Variants in KHDRBS1 observed in about 807,000 individuals in gnomAD.
KHDRBS1 encodes KH RNA binding domain containing, signal transduction associated 1.
A neutral mutation model predicts 48.4 loss-of-function variants in KHDRBS1; 7 were observed. The observed-to-expected ratio is 0.14, with a 90% CI of 0.08 to 0.27. The LOEUF (loss-of-function observed/expected upper bound fraction) is 0.27, where lower values mean the gene tolerates loss of function less well. KHDRBS1 is among the 10% of genes least tolerant of loss of function. The probability of loss-of-function intolerance (pLI) is 1.00; values close to 1 mark genes in which losing one functional copy is unlikely to be tolerated. For missense variants in KHDRBS1, 458 were observed against 601.2 expected, an observed-to-expected ratio of 0.76 and a Z score of 2.49; for synonymous variants, 241 against 235.8, an observed-to-expected ratio of 1.02 and a Z score of -0.20.
chr1:32,030,216 G>A (rs1639055506), intron 1 of KHDRBS1, 82 bp from the exon 2 acceptor site: 1 of 1,131,174 alleles, frequency 8.8e-7, no homozygotes, highest in Admixed American at 2.1e-5. Flanking sequence ...TCACTATATG[G>A]TATTCCATGT....
At chr1:32,022,397 TC>T (rs1371896435) in intron 1 of KHDRBS1, among the ~76,000 whole-genome samples, 1 of 151,786 alleles carries the variant, frequency 6.6e-6, no homozygotes, top group Non-Finnish European at 1.5e-5. Flanking sequence ...ATGGAAGGAG[TC>T]CAGAGATTGT....
At chr1:32,017,647 GC>G (rs1638769871) in intron 1 of KHDRBS1, among the ~76,000 whole-genome samples, 1 of 60,646 alleles carries the variant, frequency 1.6e-5, no homozygotes, top group Non-Finnish European at 2.9e-5. Context: ...CACTTTTGTT[GC>G]CCAGGCTGGA....
rs185318014 is a variant in KHDRBS1, at chr1:32,050,841, A to G, written n.1301+5451A>G. ...AGCTTTAATTCTTGCATTTAGGTCT[A>G]TGATTCATTTTATGTTAACTTTTGT... On this transcript the variant is annotated intron_variant and non_coding_transcript_variant, in intron 10 of 10. Coordinates refer to the KHDRBS1 transcript ENST00000484270. 5.6e-3 allele frequency among the ~76,000 whole-genome samples: 847 copies of G among 151,498 alleles called. 6 individuals carry two copies. The highest frequency in any genetic ancestry group is 0.018 in the African/African-American group (744 of 41,276).
At chr1:32,040,706 A>G (rs1639266790) in intron 8 of KHDRBS1, among the ~76,000 whole-genome samples, 1 of 152,214 alleles carries the variant, frequency 6.6e-6, no homozygotes, top group Middle Eastern at 3.2e-3. Flanking sequence ...CCTTTTCAGT[A>G]TAAGGTATTT....
chr1:32,059,090 G>A (rs35362886), intron 10 of KHDRBS1, among the ~76,000 whole-genome samples: 2,263 of 148,072 alleles, frequency 0.015, 18 homozygotes, highest in Middle Eastern at 0.029. Flanking sequence ...CCAGAAGGCA[G>A]AGGCTGCAGT....
At chr1:32,035,881 T>C (rs1200914040) in intron 4 of KHDRBS1, among the ~76,000 whole-genome samples, 1 of 152,308 alleles carries the variant, frequency 6.6e-6, no homozygotes, top group African/African-American at 2.4e-5. Flanking sequence ...AGAGGAGTTG[T>C]AGGGGTGGCA....
intron 1 of KHDRBS1, among the ~76,000 whole-genome samples, chr1:32,017,308 C>T (rs1431160651): frequency 1.3e-5 from 2 of 151,600 alleles, no homozygotes; most frequent in Non-Finnish European, 2.9e-5. Context: ...TGAATGTAGA[C>T]TTCTATGTTA....
At chr1:32,016,998 C>T (rs1046117478) in intron 1 of KHDRBS1, among the ~76,000 whole-genome samples, 6 of 152,160 alleles carry the variant, frequency 3.9e-5, no homozygotes, top group Non-Finnish European at 8.8e-5. Context: ...TGGCTCACAC[C>T]TATAATCCCA....
At chr1:32,037,654 C>T (rs1639208307) in intron 5 of KHDRBS1, among the ~76,000 whole-genome samples, 181 bp from the exon 6 acceptor site, 1 of 152,176 alleles carries the variant, frequency 6.6e-6, no homozygotes, top group African/African-American at 2.4e-5. Context: ...AATTGGTCCT[C>T]TATAGGACCT....
intron 1 of KHDRBS1, among the ~76,000 whole-genome samples, chr1:32,027,265 T>C (rs1638993821): frequency 1.3e-5 from 2 of 152,182 alleles, no homozygotes; most frequent in Admixed American, 1.3e-4. Context: ...TTGGTGATGT[T>C]CTCAGATCAG....
At chr1:32,018,242 C>A (rs1224758518) in intron 1 of KHDRBS1, among the ~76,000 whole-genome samples, 1 of 151,572 alleles carries the variant, frequency 6.6e-6, no homozygotes, top group Non-Finnish European at 1.5e-5. Context: ...AGGCAAAGCA[C>A]GAGGTCAGGA....
intron 1 of KHDRBS1, among the ~76,000 whole-genome samples, chr1:32,028,670 A>AT (rs1389632038): frequency 2.0e-5 from 3 of 150,190 alleles, no homozygotes; most frequent in African/African-American, 7.3e-5. Flanking sequence ...GCCCGGCTAA[A>AT]TTTTTTTTGT....
intron 10 of KHDRBS1, among the ~76,000 whole-genome samples, chr1:32,049,793 C>G (rs1358445768): frequency 6.6e-6 from 1 of 151,942 alleles, no homozygotes; most frequent in African/African-American, 2.4e-5. Context: ...TCCCAAGCAG[C>G]TGGGAATATA....
At position 32,037,983 on chromosome 1, in the gene KHDRBS1, A is replaced by T; in HGVS notation, c.1054A>T (p.Ile352Phe). ...AGCACCAAGAGCACGGACAGCGGGC[A>T]TCCAGAGGATACCTTTGCCTCCACC... ...APAPRARTAGIQRIPLPPPPA... is the reference protein window; with the variant it reads ...APAPRARTAGFQRIPLPPPPA... Residue 352 changes from isoleucine to phenylalanine, a missense_variant, in exon 6 of 9, where the codon ATC becomes TTC. Transcript: ENST00000327300. 6.2e-7 allele frequency: 1 copy of T among 1,614,278 alleles called. No individual in the cohort carries two copies. The highest frequency in any genetic ancestry group is 2.2e-5 in the East Asian group (1 of 44,892).
chr1:32,047,101 T>C (rs1440440768), downstream of KHDRBS1, among the ~76,000 whole-genome samples: 1 of 152,218 alleles, frequency 6.6e-6, no homozygotes, highest in Admixed American at 6.5e-5. Context: ...TCTGGACATG[T>C]AGCTTCGCCC....
chr1:32,024,818 A>G (rs1638931537), intron 1 of KHDRBS1, among the ~76,000 whole-genome samples: 1 of 152,056 alleles, frequency 6.6e-6, no homozygotes, highest in Non-Finnish European at 1.5e-5. Flanking sequence ...ATTCAGCCCT[A>G]CCTGGGTAAG....
At chr1:32,057,847 T>C (rs1569830309) in intron 10 of KHDRBS1, among the ~76,000 whole-genome samples, 1 of 133,712 alleles carries the variant, frequency 7.5e-6, no homozygotes, top group Admixed American at 7.7e-5. Context: ...CCGGGTGCGG[T>C]GGCTCACACC....
intron 1 of KHDRBS1, 37 bp downstream of exon 1, chr1:32,014,414 C>A: frequency 7.7e-7 from 1 of 1,295,396 alleles, no homozygotes; most frequent in Non-Finnish European, 9.9e-7. Context: ...GGTCGCCCGG[C>A]CATCCCGGGC....
downstream of KHDRBS1, among the ~76,000 whole-genome samples, chr1:32,047,306 A>G (rs1639368800): frequency 6.6e-6 from 1 of 152,112 alleles, no homozygotes; most frequent in Non-Finnish European, 1.5e-5. Context: ...TTATAGGCAC[A>G]CACCACCACG....
Sources: gnomAD v4.1 joint callset for allele counts (sites outside exome capture counted in the v4.1 genomes callset) on GRCh38, gnomAD v4.1.1 for gene constraint, MANE v1.5 for transcripts, NCBI Gene and HGNC (gene_info 2026-07-23, HGNC 2026-07-21) for gene names.